The following CDK14 variants were observed in gnomAD, a reference collection of about 807,000 sequenced individuals.
The protein encoded by CDK14 is cyclin dependent kinase 14.
In CDK14, 34 loss-of-function variants were observed where a neutral mutation model predicts 60.7. The ratio of observed to expected loss-of-function variants is 0.56; its 90% confidence interval spans 0.43 to 0.75. The LOEUF (loss-of-function observed/expected upper bound fraction) is 0.75, where lower values mean the gene tolerates loss of function less well. CDK14 is among the 30% of genes least tolerant of loss of function. The probability of loss-of-function intolerance (pLI) is 0.00; values close to 1 mark genes in which losing one functional copy is unlikely to be tolerated. For synonymous variants in CDK14, 197 were observed against 203.7 expected (o/e 0.97, Z 0.28); for missense variants, 482 against 564.1 (o/e 0.85, Z 1.47).
At position 90,787,948 on chromosome 7, in the gene CDK14, A is replaced by G. The variant is rs141649472; in HGVS notation, c.465-2625A>G. On this transcript the variant is annotated intron_variant, in intron 4 of 14. Coordinates refer to ENST00000380050, the MANE Select transcript of CDK14 (RefSeq NM_001287135.2). ...TTAGGGGGAATCCATCTTTAGTTGCACTTAAAAAATGAGTGTTGATTCAAT... is the reference window on the plus strand; with the variant it reads ...TTAGGGGGAATCCATCTTTAGTTGCGCTTAAAAAATGAGTGTTGATTCAAT... 9.8e-4 allele frequency among the ~76,000 whole-genome samples: 149 copies of G among 152,272 alleles called. 2 individuals are homozygous for G. In the East Asian group the frequency reaches 0.024, roughly 24 times the overall value.
At chr7:90,866,273 C>CACACACACAG (rs1491345959) in intron 6 of CDK14, among the ~76,000 whole-genome samples, 5 of 148,344 alleles carry the variant, frequency 3.4e-5, no homozygotes, top group African/African-American at 1.3e-4. Flanking sequence ...CACACACACA[C>CACACACACAG]AGAACTTTGT....
At chr7:91,181,989 T>A (rs1347606901) in intron 14 of CDK14, among the ~76,000 whole-genome samples, 1 of 152,200 alleles carries the variant, frequency 6.6e-6, no homozygotes. Context: ...ATGATATGTA[T>A]GTTTCTTTTT....
At position 90,779,145 on chromosome 7, in the gene CDK14, C is replaced by T. The variant is rs191754737; in HGVS notation, c.465-11428C>T. On this transcript the variant is annotated intron_variant, in intron 4 of 14. Transcript: ENST00000380050. ...GTGCATACCTGTAATCTCAGTTACT[C>T]GGGAGGCTGAGGCAGGAGAATTGCT... 5.1e-4 allele frequency among the ~76,000 whole-genome samples: 77 copies of T among 151,876 alleles called. 1 individual carries two copies. The South Asian group carries it at 0.012, about 23-fold the overall frequency.
chr7:91,203,491 G>T (rs1802790659), intron 14 of CDK14, among the ~76,000 whole-genome samples: 1 of 152,120 alleles, frequency 6.6e-6, no homozygotes, highest in Admixed American at 6.5e-5. Flanking sequence ...ACCTCTGGAG[G>T]GACTAAATGA....
At chr7:90,904,571 A>G (rs1240796920) in intron 7 of CDK14, among the ~76,000 whole-genome samples, 1 of 152,112 alleles carries the variant, frequency 6.6e-6, no homozygotes, top group Non-Finnish European at 1.5e-5. Context: ...CAAAAAATAC[A>G]AAGATGAAAA....
At chr7:90,604,813 G>A (rs924521794) in intron 2 of CDK14, among the ~76,000 whole-genome samples, 1 of 152,188 alleles carries the variant, frequency 6.6e-6, no homozygotes, top group Non-Finnish European at 1.5e-5. Flanking sequence ...ATAGCATCCT[G>A]AATGTGATTT....
intron 2 of CDK14, among the ~76,000 whole-genome samples, chr7:90,717,138 T>C (rs1802276612): frequency 6.6e-6 from 1 of 152,026 alleles, no homozygotes; most frequent in African/African-American, 2.4e-5. Context: ...TTACGTTAAA[T>C]TTATCATTAT....
At chr7:90,985,642 A>G (rs892393152) in intron 10 of CDK14, among the ~76,000 whole-genome samples, 5 of 152,152 alleles carry the variant, frequency 3.3e-5, no homozygotes, top group African/African-American at 7.2e-5. Context: ...CCCCATCACT[A>G]TTGTATTCCC....
intron 10 of CDK14, among the ~76,000 whole-genome samples, chr7:91,010,801 T>TTCCTTCCTTCCTTCCTTCC: frequency 1.2e-5 from 1 of 86,168 alleles, no homozygotes; most frequent in East Asian, 3.9e-4. Flanking sequence ...TCCTTCCTTC[T>TTCCTTCCTTCCTTCCTTCC]TTCCTTCCTT....
intron 8 of CDK14, among the ~76,000 whole-genome samples, chr7:90,936,999 A>G (rs980458787): frequency 9.2e-5 from 14 of 152,118 alleles, no homozygotes; most frequent in Non-Finnish European, 1.8e-4. Context: ...GGATCACTTA[A>G]GCCCAGGATT....
chr7:91,168,039 G>A (rs1170792225), intron 14 of CDK14, among the ~76,000 whole-genome samples: 4 of 152,110 alleles, frequency 2.6e-5, no homozygotes, highest in Non-Finnish European at 5.9e-5. Context: ...CAAGGTGGCT[G>A]GATCACGAGG....
chr7:90,955,914 G>A, intron 9 of CDK14, 97 bp downstream of exon 9: 2 of 1,417,136 alleles, frequency 1.4e-6, no homozygotes, highest in Non-Finnish European at 1.9e-6. Context: ...GAAGATTAAT[G>A]GTGCAGGAGT....
chr7:90,804,123 C>CA (rs1181730970), intron 5 of CDK14, among the ~76,000 whole-genome samples: 2 of 152,122 alleles, frequency 1.3e-5, no homozygotes, highest in Admixed American at 1.3e-4. Context: ...TTCCCCAGAG[C>CA]AAAAAGGCGA....
Position 90,984,272 on chromosome 7 carries a change from A to T in CDK14, c.1041+31A>T, listed in dbSNP as rs772386363. ...TCCTTTACAGAGTATTTCTAAGAAAAATTGGTTTCTAATTAGTCACTTAGT... is the reference window on the plus strand; with the variant it reads ...TCCTTTACAGAGTATTTCTAAGAAATATTGGTTTCTAATTAGTCACTTAGT... On this transcript the variant is annotated intron_variant, in intron 10 of 14. Coordinates refer to ENST00000380050, the MANE Select transcript of CDK14 (RefSeq NM_001287135.2). The T allele has an allele frequency of 3.4e-6, 5 of 1,459,170 alleles. No individual in the cohort carries two copies. The East Asian group carries it at 9.1e-5, about 26-fold the overall frequency. 90.4% of individuals were successfully genotyped at this position (1,459,170 alleles called of 1,614,324 possible).
chr7:91,117,160 A>G (rs1799632684), intron 13 of CDK14, among the ~76,000 whole-genome samples: 1 of 149,644 alleles, frequency 6.7e-6, no homozygotes, highest in Non-Finnish European at 1.5e-5. Flanking sequence ...CTCTAGTCTT[A>G]CCGTTGTCAA....
chr7:91,100,977 G>A (rs190492542), intron 12 of CDK14, among the ~76,000 whole-genome samples: 1 of 152,146 alleles, frequency 6.6e-6, no homozygotes. Flanking sequence ...TAGATCTGAT[G>A]GGGAGACCTA....
At chr7:90,650,406 G>T (rs566116817) in intron 2 of CDK14, among the ~76,000 whole-genome samples, 31 of 152,256 alleles carry the variant, frequency 2.0e-4, no homozygotes, top group African/African-American at 7.2e-4. Context: ...CATTCTGGAG[G>T]TTGCCTTTTC....
At chr7:90,653,967 T>C (rs1451540399) in intron 2 of CDK14, among the ~76,000 whole-genome samples, 1 of 152,218 alleles carries the variant, frequency 6.6e-6, no homozygotes, top group Non-Finnish European at 1.5e-5. Flanking sequence ...GGTTTCACAC[T>C]TCATCCATGT....
intron 2 of CDK14, among the ~76,000 whole-genome samples, chr7:90,636,878 G>A (rs1049845503): frequency 4.6e-5 from 7 of 151,610 alleles, no homozygotes; most frequent in Admixed American, 1.3e-4. Flanking sequence ...TGTATGTGTC[G>A]AGGAATTTAT....
Sources: allele counts gnomAD v4.1 joint callset (sites outside exome capture counted in the v4.1 genomes callset), GRCh38; gene constraint gnomAD v4.1.1; transcripts MANE v1.5; gene names NCBI Gene and HGNC (gene_info 2026-07-23, HGNC 2026-07-21).